Variants in SNRPG observed in about 807,000 individuals in gnomAD.
SNRPG encodes the protein small nuclear ribonucleoprotein polypeptide G.
A neutral mutation model predicts 13.9 loss-of-function variants in SNRPG; 3 were observed. The ratio of observed to expected loss-of-function variants is 0.22; its 90% confidence interval spans 0.10 to 0.56. The LOEUF (loss-of-function observed/expected upper bound fraction) is 0.56. Among genes scored for constraint, SNRPG ranks in the 20% least tolerant of loss-of-function variants. SNRPG has a pLI of 0.93. For synonymous variants in SNRPG, 29 were observed against 29.3 expected (o/e 0.99, Z 0.03); for missense variants, 34 against 96.1 (o/e 0.35, Z 2.70).
chr2:70,283,118 AAAAAAAC>A (rs1559041603), intron 3 of SNRPG, among the ~76,000 whole-genome samples: 2 of 148,818 alleles, frequency 1.3e-5, no homozygotes, highest in African/African-American at 5.0e-5. Flanking sequence ...AAAAAAAAAA[AAAAAAAC>A]AACAAACCAA....
chr2:70,283,125 CAACA>C (rs1696854136), intron 3 of SNRPG, among the ~76,000 whole-genome samples: 1 of 53,202 alleles, frequency 1.9e-5, no homozygotes, highest in South Asian at 7.3e-4. Context: ...AAAAAAAAAA[CAACA>C]AACCAAAACC....
chr2:70,284,035 C>T (rs535460821), intron 3 of SNRPG, among the ~76,000 whole-genome samples: 7 of 152,260 alleles, frequency 4.6e-5, no homozygotes, highest in South Asian at 2.1e-4. Context: ...ACTCCGGCCT[C>T]GGTGACAGAG....
chr2:70,284,460 T>G (rs1004523872), intron 3 of SNRPG, among the ~76,000 whole-genome samples: 12 of 152,186 alleles, frequency 7.9e-5, no homozygotes, highest in Non-Finnish European at 1.5e-4. Flanking sequence ...CACAGCTAAC[T>G]GCAGCCTTGA....
intron 2 of SNRPG, 104 bp downstream of exon 2, chr2:70,289,246 C>A: frequency 1.4e-6 from 1 of 697,822 alleles, no homozygotes; most frequent in Non-Finnish European, 2.4e-6. Flanking sequence ...AGCCATCGCG[C>A]CTGGCTGCTT....
intron 1 of SNRPG, among the ~76,000 whole-genome samples, chr2:70,292,009 G>A (rs1049043295): frequency 6.7e-6 from 1 of 149,008 alleles, no homozygotes; most frequent in Non-Finnish European, 1.5e-5. Flanking sequence ...GTGCAGTGGC[G>A]CGATCTCGGC....
intron 3 of SNRPG, among the ~76,000 whole-genome samples, chr2:70,284,232 T>TCACTGCACA (rs1359323341): frequency 6.6e-5 from 10 of 152,278 alleles, no homozygotes; most frequent in Non-Finnish European, 1.2e-4. Context: ...ACATGCACAA[T>TCACTGCACA]CACTGCACAC....
intron 3 of SNRPG, 109 bp from the exon 4 acceptor site, chr2:70,281,793 C>G: frequency 1.6e-6 from 1 of 611,992 alleles, no homozygotes. Flanking sequence ...TATTACATGT[C>G]GGTTTGCAAA....
At chr2:70,289,429 CAAGT>C (rs1429422499) in intron 1 of SNRPG, 57 bp from the exon 2 acceptor site, 5 of 878,054 alleles carry the variant, frequency 5.7e-6, no homozygotes, top group Admixed American at 5.1e-5. Context: ...TAAGCATAAA[CAAGT>C]AAATAGGTAT....
chr2:70,283,119 A>C (rs1389309949), intron 3 of SNRPG, among the ~76,000 whole-genome samples: 7 of 147,444 alleles, frequency 4.7e-5, no homozygotes, highest in East Asian at 3.9e-4. Flanking sequence ...AAAAAAAAAA[A>C]AAAAACAACA....
intron 3 of SNRPG, among the ~76,000 whole-genome samples, chr2:70,283,122 A>AAAAAAAAAACAAAAAAC (rs1241967786): frequency 1.2e-5 from 1 of 82,962 alleles, no homozygotes; most frequent in Non-Finnish European, 2.5e-5. Context: ...AAAAAAAAAA[A>AAAAAAAAAACAAAAAAC]AACAACAAAC....
chr2:70,293,083 C>G (rs1251804970), intron 1 of SNRPG: 7 of 701,908 alleles, frequency 1.0e-5, no homozygotes, highest in Non-Finnish European at 1.8e-5. Flanking sequence ...TAACACATGA[C>G]ATTCAAGCTT....
chr2:70,288,311 T>A, intron 2 of SNRPG, 119 bp from the exon 3 acceptor site: 1 of 768,754 alleles, frequency 1.3e-6, no homozygotes, highest in Non-Finnish European at 2.2e-6. Context: ...CTATCCTTAC[T>A]GTATGACAAG....
At chr2:70,293,407 C>G (rs1035595623) in intron 1 of SNRPG, 9 of 637,040 alleles carry the variant, frequency 1.4e-5, no homozygotes, top group Non-Finnish European at 2.3e-5. Context: ...AAGGAGGTGC[C>G]GTGGCTGCCG....
At chr2:70,285,293 G>C (rs1696912626) in intron 3 of SNRPG, among the ~76,000 whole-genome samples, 1 of 152,136 alleles carries the variant, frequency 6.6e-6, no homozygotes, top group Admixed American at 6.5e-5. Flanking sequence ...GTTCGTGCTG[G>C]CCAGGCGCGG....
chr2:70,290,708 G>C (rs867863470), intron 1 of SNRPG, among the ~76,000 whole-genome samples: 2 of 151,276 alleles, frequency 1.3e-5, no homozygotes, highest in Middle Eastern at 6.9e-3. Context: ...TTTATGGGCT[G>C]GGCGCGGTGG....
At chr2:70,289,175 G>T (rs1437193181) in intron 2 of SNRPG, among the ~76,000 whole-genome samples, 175 bp downstream of exon 2, 2 of 152,008 alleles carry the variant, frequency 1.3e-5, no homozygotes, top group Admixed American at 1.3e-4. Context: ...GGATGGTCTT[G>T]ATCTCCTGAT....
intron 1 of SNRPG, 123 bp from the exon 2 acceptor site, chr2:70,289,495 T>C (rs1228082243): frequency 3.4e-6 from 2 of 585,100 alleles, no homozygotes. Flanking sequence ...AAATCTAAAA[T>C]AGTAAAAATA....
chr2:70,290,768 C>A (rs1277779348), intron 1 of SNRPG, among the ~76,000 whole-genome samples: 1 of 132,328 alleles, frequency 7.6e-6, no homozygotes. Flanking sequence ...GGCGGATCAC[C>A]TGAGGTCGGG....
rs775067391 is a variant in SNRPG, at chr2:70,281,742, A to ATGAT, written c.181-62_181-59dup. 193 of 920,130 alleles carry ATGAT rather than the reference A, an allele frequency of 2.1e-4. No individual in the cohort carries two copies. The Middle Eastern group carries it at 3.3e-3, about 16-fold the overall frequency. 57.0% of individuals were successfully genotyped at this position (920,130 alleles called of 1,614,324 possible). ...AACTCAGGTAACAGACATAACTATG[A>ATGAT]TGATTTAAGAATTTTCACCAAATCA... On this transcript the variant is annotated intron_variant, in intron 3 of 3. Coordinates refer to ENST00000272348, the MANE Select transcript of SNRPG (RefSeq NM_003096.4).
Sources: gnomAD v4.1 joint callset for allele counts (sites outside exome capture counted in the v4.1 genomes callset) on GRCh38, gnomAD v4.1.1 for gene constraint, MANE v1.5 for transcripts, NCBI Gene and HGNC (gene_info 2026-07-23, HGNC 2026-07-21) for gene names.